Variants in ZNF487 observed in about 807,000 individuals in gnomAD.
The protein encoded by ZNF487 is KRAB domain only 1.
Under a neutral mutation model 3.0 loss-of-function variants are expected in ZNF487, and 4 were observed. The observed-to-expected ratio is 1.35, with a 90% CI of 0.66 to 3.08. ZNF487 has a LOEUF of 3.08. Ranked by LOEUF, ZNF487 falls within the 30% of genes most tolerant of loss-of-function variation. The pLI, the probability that ZNF487 is intolerant of heterozygous loss-of-function variation, is 0.01. For missense variants in ZNF487, 146 were observed against 98.7 expected (o/e 1.48, Z -2.03); for synonymous variants, 55 against 34.6 (o/e 1.59, Z -2.06).
the ZNF487 span, among the ~76,000 whole-genome samples, chr10:43,504,638 T>C: frequency 2.6e-5 from 4 of 151,964 alleles, no homozygotes; most frequent in African/African-American, 9.7e-5. Context: ...ATTTCTTTTA[T>C]GAAATAACTT....
the ZNF487 span, among the ~76,000 whole-genome samples, chr10:43,501,401 A>G: frequency 1.3e-5 from 2 of 152,146 alleles, no homozygotes; most frequent in Non-Finnish European, 2.9e-5. Context: ...TTCTTCAACA[A>G]TATATTAATT....
intron 2 of ZNF487, 104 bp downstream of exon 2, chr10:43,475,951 C>T: frequency 1.5e-6 from 1 of 650,404 alleles, no homozygotes; most frequent in Non-Finnish European, 2.8e-6. Context: ...GCTTGAGACT[C>T]AGGAGTTGAA....
intron 1 of ZNF487, among the ~76,000 whole-genome samples, chr10:43,456,802 A>C (rs917102710): frequency 1.3e-5 from 2 of 151,998 alleles, no homozygotes; most frequent in African/African-American, 2.4e-5. Flanking sequence ...GCTGGTCTTG[A>C]ACTCCTGACC....
chr10:43,506,223 C>T, the ZNF487 span, among the ~76,000 whole-genome samples: 1 of 152,154 alleles, frequency 6.6e-6, no homozygotes, highest in African/African-American at 2.4e-5. Flanking sequence ...ATCAAAAGGA[C>T]CAGGCCCAGG....
chr10:43,511,508 T>C, the ZNF487 span, among the ~76,000 whole-genome samples: 1 of 152,184 alleles, frequency 6.6e-6, no homozygotes, highest in Admixed American at 6.5e-5. Context: ...CATTCCATGA[T>C]GGAAGAGGTC....
the ZNF487 span, among the ~76,000 whole-genome samples, chr10:43,498,258 T>TTA: frequency 5.8e-4 from 73 of 126,772 alleles, 2 homozygotes; most frequent in Middle Eastern, 4.1e-3. Context: ...ATTTGGTATT[T>TTA]TATATATATA....
the ZNF487 span, among the ~76,000 whole-genome samples, chr10:43,493,712 AT>A: frequency 9.9e-3 from 163 of 16,472 alleles, 1 homozygote; most frequent in Middle Eastern, 0.029. Flanking sequence ...AAAAAAAAAT[AT>A]ATATATATAT....
the ZNF487 span, among the ~76,000 whole-genome samples, chr10:43,512,357 A>G: frequency 1.3e-5 from 2 of 152,102 alleles, no homozygotes; most frequent in African/African-American, 4.8e-5. Flanking sequence ...GCCTGATCAC[A>G]TATATGCCAC....
rs150163898 is a variant in ZNF487 at position 43,445,777 on chromosome 10, T to C, written c.-94+8515T>C. On this transcript the variant is annotated intron_variant, in intron 1 of 3. Transcript: ENST00000437590. Reference sequence around the variant, plus strand: ...CAATAGAGGAGAGAAGTTCAGCAGATAAACATGTGAACAAAGGTCTCTGGT... The same window carrying C: ...CAATAGAGGAGAGAAGTTCAGCAGACAAACATGTGAACAAAGGTCTCTGGT... Among the ~76,000 whole-genome samples, 298 of 152,272 alleles carry C rather than the reference T, an allele frequency of 2.0e-3. 1 individual carries two copies. Among genetic ancestry groups the C allele is most frequent in the Admixed American group, 3.7e-3 (56 of 15,270 alleles).
At chr10:43,503,800 G>T in the ZNF487 span, among the ~76,000 whole-genome samples, 7 of 152,182 alleles carry the variant, frequency 4.6e-5, no homozygotes, top group East Asian at 7.7e-4. Context: ...TAGAGACAGG[G>T]TTTCACCATG....
chr10:43,502,861 T>A, the ZNF487 span, among the ~76,000 whole-genome samples: 1 of 152,168 alleles, frequency 6.6e-6, no homozygotes, highest in East Asian at 1.9e-4. Context: ...TGAGACCCCA[T>A]CTCTACAGGA....
the ZNF487 span, among the ~76,000 whole-genome samples, chr10:43,517,376 C>A: frequency 6.6e-6 from 1 of 152,230 alleles, no homozygotes; most frequent in African/African-American, 2.4e-5. Flanking sequence ...CTGTTACTTG[C>A]AAGTTGGCCC....
chr10:43,437,005 C>T (rs1042630968), upstream of ZNF487: 7 of 394,584 alleles, frequency 1.8e-5, no homozygotes, highest in South Asian at 1.0e-4. Context: ...TAGGGCCGAG[C>T]CCCCGCTAGG....
At chr10:43,507,965 AG>A in the ZNF487 span, among the ~76,000 whole-genome samples, 15 of 152,230 alleles carry the variant, frequency 9.9e-5, no homozygotes, top group Admixed American at 5.9e-4. Flanking sequence ...GTCATGGAAA[AG>A]GCGGGACTGT....
chr10:43,511,323 T>C, the ZNF487 span, among the ~76,000 whole-genome samples: 1 of 152,148 alleles, frequency 6.6e-6, no homozygotes, highest in Non-Finnish European at 1.5e-5. Context: ...CTGCCGCACT[T>C]TTTTAGCCAT....
the ZNF487 span, among the ~76,000 whole-genome samples, chr10:43,522,508 A>T: frequency 0.68 from 103,010 of 151,466 alleles, 35,373 homozygotes; most frequent in East Asian, 1. Context: ...CTGAGGTGGT[A>T]GGTTTACCTG....
chr10:43,518,902 G>A, the ZNF487 span, among the ~76,000 whole-genome samples: 80 of 152,222 alleles, frequency 5.3e-4, no homozygotes, highest in Non-Finnish European at 9.3e-4. Context: ...ACCTACTTAC[G>A]TTAAATTCTT....
At chr10:43,449,764 C>T (rs2132055999) in intron 1 of ZNF487, among the ~76,000 whole-genome samples, 1 of 151,794 alleles carries the variant, frequency 6.6e-6, no homozygotes, top group East Asian at 1.9e-4. Context: ...ACTGTAACCT[C>T]CGCCTCCTGT....
At chr10:43,455,410 A>T (rs915007742) in intron 1 of ZNF487, among the ~76,000 whole-genome samples, 1 of 152,146 alleles carries the variant, frequency 6.6e-6, no homozygotes, top group Non-Finnish European at 1.5e-5. Context: ...ACTACCAACC[A>T]CCACATCACT....
Sources: gnomAD v4.1 joint callset for allele counts (sites outside exome capture counted in the v4.1 genomes callset) on GRCh38, gnomAD v4.1.1 for gene constraint, MANE v1.5 for transcripts, NCBI Gene and HGNC (gene_info 2026-07-23, HGNC 2026-07-21) for gene names.